MAPK8: variants seen among roughly 807,000 people sequenced by gnomAD.
The protein encoded by MAPK8 is JUN N-terminal kinase.
In MAPK8, 13 loss-of-function variants were observed where a neutral mutation model predicts 52.9. The ratio of observed to expected loss-of-function variants is 0.25; its 90% CI spans 0.16 to 0.39. The LOEUF is 0.39. MAPK8 is among the 10% of genes least tolerant of loss of function. The pLI is 1.00. For missense variants in MAPK8, 300 were observed against 519.2 expected (o/e 0.58, Z 4.10); for synonymous variants, 191 against 169.8 (o/e 1.12, Z -0.97).
intron 1 of MAPK8, among the ~76,000 whole-genome samples, chr10:48,340,974 A>G (rs1219398718): frequency 6.6e-6 from 1 of 152,216 alleles, no homozygotes; most frequent in Non-Finnish European, 1.5e-5. Context: ...CAGGACAGTT[A>G]TAGGACTTAC....
intron 10 of MAPK8, among the ~76,000 whole-genome samples, chr10:48,428,552 A>C (rs2043867952): frequency 6.6e-6 from 1 of 152,220 alleles, no homozygotes; most frequent in Non-Finnish European, 1.5e-5. Context: ...CTTTCTTAGA[A>C]ATTGAAGAGA....
chr10:48,428,291 T>G (rs757994966), intron 10 of MAPK8, among the ~76,000 whole-genome samples: 3 of 152,232 alleles, frequency 2.0e-5, no homozygotes, highest in Non-Finnish European at 4.4e-5. Flanking sequence ...AGGTCCCGTT[T>G]ACTTCCATTT....
intron 1 of MAPK8, among the ~76,000 whole-genome samples, chr10:48,338,690 G>A (rs73293192): frequency 5.3e-5 from 8 of 152,008 alleles, no homozygotes; most frequent in East Asian, 1.9e-4. Flanking sequence ...AAGATTCCCC[G>A]AAAGACTCCT....
chr10:48,333,740 A>T (rs1053036531), intron 1 of MAPK8, among the ~76,000 whole-genome samples: 1 of 152,266 alleles, frequency 6.6e-6, no homozygotes, highest in South Asian at 2.1e-4. Flanking sequence ...AGGAAAGCTA[A>T]CTAGGGGCAG....
At chr10:48,312,820 T>C (rs1842098782) in intron 1 of MAPK8, among the ~76,000 whole-genome samples, 1 of 152,214 alleles carries the variant, frequency 6.6e-6, no homozygotes, top group Admixed American at 6.5e-5. Context: ...CATTTTATAT[T>C]TTGACTAAGT....
At chr10:48,426,124 G>C in intron 8 of MAPK8, 54 bp downstream of exon 8, 2 of 1,433,596 alleles carry the variant, frequency 1.4e-6, no homozygotes, top group Non-Finnish European at 9.5e-7. Context: ...TAGTGTGTGT[G>C]TATGGGTTTG....
Position 48,404,905 on chromosome 10 carries a change from G to T in MAPK8, c.176G>T (p.Arg59Leu). Residue 59 changes from arginine (R) to leucine (L), a missense_variant, in exon 3 of 12, where the codon CGA becomes CTA. Arg to Leu is a moderately radical substitution (Grantham distance 102, BLOSUM62 -2). Transcript: ENST00000374189. ...AATGTTGCAATCAAGAAGCTAAGCC[G>T]ACCATTTCAGAATCAGACTCATGCC... ...ERNVAIKKLS[R>L]PFQNQTHAKR... 1 of 1,610,004 alleles carries T rather than the reference G, an allele frequency of 6.2e-7. No homozygotes were observed. The highest frequency in any genetic ancestry group is 8.5e-7 in the Non-Finnish European group (1 of 1,177,134).
intron 1 of MAPK8, among the ~76,000 whole-genome samples, chr10:48,308,975 A>C (rs1588887550): frequency 6.6e-6 from 1 of 152,214 alleles, no homozygotes; most frequent in African/African-American, 2.4e-5. Context: ...TTTGCTGTAA[A>C]GTGGAAATGA....
At chr10:48,405,125 A>ATATC (rs1554830654) in intron 3 of MAPK8, 144 bp downstream of exon 3, 4 of 277,284 alleles carry the variant, frequency 1.4e-5, no homozygotes, top group South Asian at 1.6e-4. Flanking sequence ...ATATATATAT[A>ATATC]TATCTACAGG....
At chr10:48,419,530 A>G (rs2043234942) in intron 5 of MAPK8, among the ~76,000 whole-genome samples, 1 of 152,210 alleles carries the variant, frequency 6.6e-6, no homozygotes, top group Admixed American at 6.5e-5. Flanking sequence ...GTAATTTTAT[A>G]GATTAGTGGC....
intron 1 of MAPK8, among the ~76,000 whole-genome samples, chr10:48,325,578 T>C (rs1212088720): frequency 2.0e-5 from 3 of 152,240 alleles, no homozygotes; most frequent in Non-Finnish European, 4.4e-5. Context: ...TACTACAGTT[T>C]CCATATACCC....
intron 1 of MAPK8, among the ~76,000 whole-genome samples, chr10:48,372,378 C>T (rs527956603): frequency 6.6e-6 from 1 of 152,122 alleles, no homozygotes; most frequent in Admixed American, 6.5e-5. Flanking sequence ...ATGAGTTTGA[C>T]GGATTGACAG....
intron 7 of MAPK8, chr10:48,425,267 A>T: frequency 1.4e-6 from 1 of 710,078 alleles, no homozygotes; most frequent in Non-Finnish European, 2.6e-6. Context: ...TAAAGACTAG[A>T]GGAAAGGAGA....
At chr10:48,418,598 C>G (rs911987393) in intron 5 of MAPK8, among the ~76,000 whole-genome samples, 6 of 152,180 alleles carry the variant, frequency 3.9e-5, no homozygotes, top group African/African-American at 1.4e-4. Flanking sequence ...GAACTACCCA[C>G]GTGCCCTTGC....
At chr10:48,379,485 A>G (rs1307947670) in intron 1 of MAPK8, among the ~76,000 whole-genome samples, 1 of 152,226 alleles carries the variant, frequency 6.6e-6, no homozygotes, top group Admixed American at 6.5e-5. Flanking sequence ...ATGTCATAAA[A>G]TAAGAATATT....
chr10:48,367,404 C>CAT (rs1848151140), intron 1 of MAPK8, among the ~76,000 whole-genome samples: 1 of 149,934 alleles, frequency 6.7e-6, no homozygotes, highest in African/African-American at 2.5e-5. Flanking sequence ...TAAATAAATA[C>CAT]ATATATATGT....
intron 1 of MAPK8, among the ~76,000 whole-genome samples, chr10:48,389,391 T>C (rs554534732): frequency 6.6e-6 from 1 of 152,224 alleles, no homozygotes. Flanking sequence ...AAGGTTATTA[T>C]CTGCCTCTTG....
At chr10:48,357,770 A>G (rs950132710) in intron 1 of MAPK8, among the ~76,000 whole-genome samples, 3 of 152,186 alleles carry the variant, frequency 2.0e-5, no homozygotes, top group Non-Finnish European at 4.4e-5. Flanking sequence ...GTACATTTAG[A>G]ATGTTGTGCA....
At chr10:48,321,465 A>G (rs1842993173) in intron 1 of MAPK8, among the ~76,000 whole-genome samples, 2 of 152,234 alleles carry the variant, frequency 1.3e-5, no homozygotes, top group African/African-American at 2.4e-5. Flanking sequence ...TTTCAGAGGT[A>G]GTCTTTTTAC....
Sources: allele counts gnomAD v4.1 joint callset (sites outside exome capture counted in the v4.1 genomes callset), GRCh38; gene constraint gnomAD v4.1.1; transcripts MANE v1.5; gene names NCBI Gene and HGNC (gene_info 2026-07-23, HGNC 2026-07-21).